Variants in PCNX2 observed in about 807,000 individuals in gnomAD.
PCNX2 encodes the protein pecanex-like protein 2.
A neutral mutation model predicts 223.8 loss-of-function variants in PCNX2; 168 were observed. The ratio of observed to expected loss-of-function variants is 0.75; its 90% confidence interval spans 0.66 to 0.85. The LOEUF is 0.85. Among genes scored for constraint, PCNX2 ranks in the 40% least tolerant of loss-of-function variants. PCNX2 has a pLI of 0.00. For missense variants in PCNX2, 2,507 were observed against 2,675.5 expected (o/e 0.94, Z 1.39); for synonymous variants, 1,006 against 1,052.6 (o/e 0.96, Z 0.86).
intron 9 of PCNX2, among the ~76,000 whole-genome samples, chr1:233,235,246 C>T (rs186998877): frequency 1.3e-5 from 2 of 152,274 alleles, no homozygotes; most frequent in Admixed American, 6.5e-5. Flanking sequence ...CTTGTTCACA[C>T]ACAAACTCCA....
intron 1 of PCNX2, among the ~76,000 whole-genome samples, chr1:233,275,850 T>C (rs529193169): frequency 6.6e-6 from 1 of 151,820 alleles, no homozygotes; most frequent in African/African-American, 2.4e-5. Context: ...GCCAACATGG[T>C]GAAACCCCGT....
At chr1:233,170,476 A>G (rs1405249635) in intron 17 of PCNX2, among the ~76,000 whole-genome samples, 1 of 152,108 alleles carries the variant, frequency 6.6e-6, no homozygotes, top group Admixed American at 6.5e-5. Flanking sequence ...TCTTCTGCCT[A>G]TTTTCAATGG....
In PCNX2 at chr1:232,986,314, G is replaced by C. The variant is rs1432917775; in HGVS notation, c.6018C>G (p.His2006Gln). ...CCTCGGCCCGCTCACGGACACTCAG[G>C]TGGCCGGTGGTGGTGACGGGCGGGG... ...SQPPPVTTTGHLSVRERAEAL... is the reference protein window; with the variant it reads ...SQPPPVTTTGQLSVRERAEAL... Residue 2006 changes from histidine (H) to glutamine (Q), a missense_variant, in exon 33 of 34, where the codon CAC (histidine) becomes CAG (glutamine). Physicochemically the swap from His to Gln is conservative, Grantham distance 24. This residue lies in a region of PCNX2 where 1,372 missense variants were observed against 1,509.4 expected (regional missense o/e 0.91). Transcript: ENST00000258229. The C allele has an allele frequency of 2.5e-6, 4 of 1,583,860 alleles. No individual in the cohort carries two copies. Among genetic ancestry groups the C allele is most frequent in the African/African-American group, 1.3e-5 (1 of 74,424 alleles).
chr1:233,073,321 CAAAAA>C (rs1672938737), intron 23 of PCNX2, among the ~76,000 whole-genome samples: 1 of 152,052 alleles, frequency 6.6e-6, no homozygotes, highest in Non-Finnish European at 1.5e-5. Context: ...TTTATGTTTT[CAAAAA>C]ACAAACTTTT....
chr1:233,066,285 C>A (rs1672606539), intron 23 of PCNX2, among the ~76,000 whole-genome samples: 1 of 152,162 alleles, frequency 6.6e-6, no homozygotes, highest in Admixed American at 6.6e-5. Context: ...GAGCTGTGGG[C>A]AGTGACATGC....
intron 9 of PCNX2, 53 bp from the exon 10 acceptor site, chr1:233,227,424 A>G: frequency 6.6e-7 from 1 of 1,513,018 alleles, no homozygotes; most frequent in East Asian, 2.3e-5. Context: ...TTGTCATGGC[A>G]TGGCCACAAA....
Position 233,090,014 on chromosome 1 carries a change from A to C in PCNX2, c.4076+47T>G, listed in dbSNP as rs145621656. On this transcript the variant is annotated intron_variant, in intron 23 of 33. Coordinates refer to ENST00000258229, the MANE Select transcript of PCNX2 (RefSeq NM_014801.4). ...AGAGGAAGGCAGAGGAGCCTTCTGA[A>C]GTGCAAACTGGAGAAAAGCAATTGA... 9.6e-4 allele frequency: 1,551 copies of C among 1,610,986 alleles called. 15 individuals carry two copies. The African/African-American group carries it at 0.015, about 15-fold the overall frequency.
At chr1:233,138,954 T>A (rs1246748472) in intron 20 of PCNX2, among the ~76,000 whole-genome samples, 2 of 152,222 alleles carry the variant, frequency 1.3e-5, no homozygotes, top group African/African-American at 4.8e-5. Context: ...CAGGTTTGAA[T>A]TAGCATGTTT....
intron 23 of PCNX2, among the ~76,000 whole-genome samples, chr1:233,059,367 T>C (rs1040981204): frequency 3.3e-5 from 5 of 152,224 alleles, no homozygotes; most frequent in African/African-American, 1.2e-4. Context: ...GTACTTTATA[T>C]GTATTGGCTT....
chr1:232,994,980 GACTA>G (rs1669827999), intron 32 of PCNX2, among the ~76,000 whole-genome samples: 1 of 152,194 alleles, frequency 6.6e-6, no homozygotes, highest in Non-Finnish European at 1.5e-5. Context: ...TGTGAAAACA[GACTA>G]ATACATTCAG....
intron 1 of PCNX2, among the ~76,000 whole-genome samples, chr1:233,291,375 C>G (rs1013746594): frequency 6.6e-5 from 10 of 152,070 alleles, no homozygotes; most frequent in Non-Finnish European, 1.5e-4. Context: ...TTTGAGAGGC[C>G]AAGGCGGGCG....
At chr1:233,236,487 T>C (rs1406722526) in intron 9 of PCNX2, among the ~76,000 whole-genome samples, 1 of 146,288 alleles carries the variant, frequency 6.8e-6, no homozygotes, top group Non-Finnish European at 1.5e-5. Flanking sequence ...AATAATACAT[T>C]AAAAAAAAAA....
At chr1:233,075,716 C>T (rs1673061374) in intron 23 of PCNX2, among the ~76,000 whole-genome samples, 1 of 151,712 alleles carries the variant, frequency 6.6e-6, no homozygotes, top group Non-Finnish European at 1.5e-5. Context: ...CACACACACA[C>T]ACACACACAC....
chr1:233,028,416 G>A (rs1238606647), intron 25 of PCNX2, among the ~76,000 whole-genome samples: 3 of 152,158 alleles, frequency 2.0e-5, no homozygotes, highest in Non-Finnish European at 1.5e-5. Flanking sequence ...GTTATCAGGT[G>A]TATGCACATT....
Position 233,187,138 on chromosome 1 carries a change from C to T in PCNX2, c.3067-7963G>A, listed in dbSNP as rs74145096. On this transcript the variant is annotated intron_variant, in intron 15 of 33. Coordinates refer to ENST00000258229, the MANE Select transcript of PCNX2 (RefSeq NM_014801.4). ...GCAACAGCTCCCATGCATTCGGCAGCGACTACCTGACTTGCTGCTTAACAT... is the reference window on the plus strand; with the variant it reads ...GCAACAGCTCCCATGCATTCGGCAGTGACTACCTGACTTGCTGCTTAACAT... Among the ~76,000 whole-genome samples, 411 of 152,312 alleles carry T rather than the reference C, an allele frequency of 2.7e-3. 4 individuals carry two copies. Among genetic ancestry groups the T allele is most frequent in the African/African-American group, 9.2e-3 (384 of 41,570 alleles).
At chr1:233,127,544 A>G (rs1299717610) in intron 21 of PCNX2, among the ~76,000 whole-genome samples, 1 of 151,982 alleles carries the variant, frequency 6.6e-6, no homozygotes, top group Non-Finnish European at 1.5e-5. Flanking sequence ...TCTTGTAATT[A>G]TCTCTTTACT....
chr1:233,304,997 T>C, the PCNX2 span, among the ~76,000 whole-genome samples: 1 of 152,214 alleles, frequency 6.6e-6, no homozygotes, highest in South Asian at 2.1e-4. Context: ...AGGAATATTA[T>C]GAGTTATAAT....
intron 1 of PCNX2, among the ~76,000 whole-genome samples, chr1:233,282,211 G>A (rs988310733): frequency 2.0e-5 from 3 of 152,058 alleles, no homozygotes; most frequent in Admixed American, 6.5e-5. Flanking sequence ...GTCTCCCGAC[G>A]CCTCCTCTTT....
At chr1:233,304,625 G>A in the PCNX2 span, among the ~76,000 whole-genome samples, 1 of 152,148 alleles carries the variant, frequency 6.6e-6, no homozygotes, top group Non-Finnish European at 1.5e-5. Context: ...AGGAAGGAAG[G>A]ATGGGCAGAG....
Sources: gnomAD v4.1 joint callset for allele counts (sites outside exome capture counted in the v4.1 genomes callset) on GRCh38, gnomAD v4.1.1 for gene constraint, gnomAD v4.1.1 regional missense constraint, MANE v1.5 for transcripts, NCBI Gene and HGNC (gene_info 2026-07-23, HGNC 2026-07-21) for gene names.